The following GRM7 variants were observed in gnomAD, a reference collection of about 807,000 sequenced individuals.
GRM7 encodes metabotropic glutamate receptor 7.
A neutral mutation model predicts 84.5 loss-of-function variants in GRM7; 35 were observed. The observed-to-expected ratio is 0.41, with a 90% CI of 0.32 to 0.55. GRM7 has a LOEUF of 0.55. GRM7 is among the 20% of genes least tolerant of loss of function. GRM7 has a pLI of 0.19. For synonymous variants in GRM7, 487 were observed against 455.1 expected, an observed-to-expected ratio of 1.07 and a Z score of -0.89; for missense variants, 1,003 against 1,194.6, an observed-to-expected ratio of 0.84 and a Z score of 2.36.
At chr3:7,052,989 A>G (rs1179636518) in intron 1 of GRM7, among the ~76,000 whole-genome samples, 1 of 150,956 alleles carries the variant, frequency 6.6e-6, no homozygotes, top group Non-Finnish European at 1.5e-5. Context: ...CAAAGTGGCT[A>G]TATTATTTTA....
chr3:7,096,607 A>G (rs9311979), intron 1 of GRM7, among the ~76,000 whole-genome samples: 9,733 of 152,022 alleles, frequency 0.064, 746 homozygotes, highest in African/African-American at 0.15. Flanking sequence ...GGGTTTTAAT[A>G]CATAGGCACG....
intron 5 of GRM7, among the ~76,000 whole-genome samples, chr3:7,421,942 TAGCCAGAA>T (rs1696414753): frequency 1.1e-5 from 1 of 91,800 alleles, no homozygotes; most frequent in Non-Finnish European, 2.2e-5. Context: ...AAAAAAAAAA[TAGCCAGAA>T]GTGGTGACAC....
rs377633053 is a variant in GRM7, at chr3:7,578,770, C to A, written c.1864C>A (p.Arg622=). The A allele has an allele frequency of 6.2e-7, 1 of 1,613,692 alleles. No individual in the cohort carries two copies. The highest frequency in any genetic ancestry group is 8.5e-7 in the Non-Finnish European group (1 of 1,179,744). The part of the protein sequence containing the change: ...FIRYNDTPIV[R]ASGRELSYVL... ...CCGCTACAATGACACGCCCATTGTC[C>A]GGGCATCTGGGCGGGAACTCAGCTA... Residue 622 remains arginine (R), a synonymous_variant, in exon 8 of 10, where the codon CGG becomes AGG. Coordinates refer to ENST00000357716, the MANE Select transcript of GRM7 (RefSeq NM_000844.4).
chr3:7,574,196 G>A (rs1239421138), intron 7 of GRM7, among the ~76,000 whole-genome samples: 7 of 136,826 alleles, frequency 5.1e-5, no homozygotes, highest in African/African-American at 1.4e-4. Flanking sequence ...GTTTTGCTGT[G>A]TTGCCCAGGC....
chr3:7,482,450 T>C (rs1004903022), intron 7 of GRM7, among the ~76,000 whole-genome samples: 3 of 152,206 alleles, frequency 2.0e-5, no homozygotes, highest in Admixed American at 2.0e-4. Context: ...GTACCAGTAA[T>C]TTAACTCTGG....
intron 1 of GRM7, among the ~76,000 whole-genome samples, chr3:7,134,583 A>T (rs1311519350): frequency 6.6e-6 from 1 of 152,130 alleles, no homozygotes; most frequent in African/African-American, 2.4e-5. Flanking sequence ...GGATCAGGCC[A>T]TATTACTTCT....
chr3:7,635,343 A>G (rs988623775), intron 8 of GRM7, among the ~76,000 whole-genome samples: 20 of 152,214 alleles, frequency 1.3e-4, no homozygotes, highest in African/African-American at 4.8e-4. Flanking sequence ...ACTAAAGAAC[A>G]CTTAGGCTGA....
At chr3:7,212,564 C>T (rs1407454744) in intron 2 of GRM7, among the ~76,000 whole-genome samples, 1 of 152,072 alleles carries the variant, frequency 6.6e-6, no homozygotes, top group East Asian at 1.9e-4. Flanking sequence ...GAATTAATAA[C>T]TGGAAAACCT....
chr3:7,423,051 G>A (rs1453878139), intron 5 of GRM7, among the ~76,000 whole-genome samples: 1 of 152,108 alleles, frequency 6.6e-6, no homozygotes, highest in African/African-American at 2.4e-5. Context: ...GAGGTGTATA[G>A]ATGGACCCTG....
intron 2 of GRM7, among the ~76,000 whole-genome samples, chr3:7,267,178 T>C (rs1037849064): frequency 2.6e-5 from 4 of 152,230 alleles, no homozygotes; most frequent in Non-Finnish European, 5.9e-5. Context: ...AGTTCACTGA[T>C]TGATACTGAT....
At chr3:7,254,599 T>C (rs73809034) in intron 2 of GRM7, among the ~76,000 whole-genome samples, 236 of 152,302 alleles carry the variant, frequency 1.5e-3, no homozygotes, top group African/African-American at 5.3e-3. Context: ...GGAATGAGTG[T>C]CACTTTCTTC....
chr3:7,222,856 G>A (rs779093195), intron 2 of GRM7, among the ~76,000 whole-genome samples: 1 of 152,064 alleles, frequency 6.6e-6, no homozygotes, highest in Admixed American at 6.6e-5. Context: ...TTCTTTTTTA[G>A]TGCCAGTCTT....
At chr3:6,994,388 C>A (rs1694758884) in intron 1 of GRM7, among the ~76,000 whole-genome samples, 1 of 152,150 alleles carries the variant, frequency 6.6e-6, no homozygotes, top group Admixed American at 6.5e-5. Context: ...GGAAACAATT[C>A]TCTTACTGTC....
intron 7 of GRM7, 101 bp from the exon 8 acceptor site, chr3:7,578,321 C>A: frequency 1.4e-6 from 1 of 721,394 alleles, no homozygotes; most frequent in Non-Finnish European, 2.3e-6. Context: ...CAACCTCATG[C>A]CTCATATGTC....
chr3:7,034,585 C>A (rs1209612357), intron 1 of GRM7, among the ~76,000 whole-genome samples: 1 of 152,102 alleles, frequency 6.6e-6, no homozygotes, highest in Admixed American at 6.6e-5. Context: ...TACTTTTTTC[C>A]AGACTCTAGT....
At chr3:7,155,118 A>G (rs1381548823) in intron 2 of GRM7, among the ~76,000 whole-genome samples, 15 of 152,188 alleles carry the variant, frequency 9.9e-5, no homozygotes, top group Admixed American at 9.8e-4. Context: ...AGTCTGGCAT[A>G]TCCAATACGT....
intron 2 of GRM7, among the ~76,000 whole-genome samples, chr3:7,245,323 G>T (rs1244247446): frequency 6.6e-6 from 1 of 151,792 alleles, no homozygotes; most frequent in Admixed American, 6.6e-5. Context: ...CTCAGGCAGG[G>T]TAATAAAAAT....
At chr3:7,507,635 T>A (rs1412898674) in intron 7 of GRM7, among the ~76,000 whole-genome samples, 3 of 152,344 alleles carry the variant, frequency 2.0e-5, no homozygotes, top group Admixed American at 2.0e-4. Flanking sequence ...TAACTTTTGA[T>A]ATTCAAGACA....
At chr3:7,208,172 T>G (rs1189423457) in intron 2 of GRM7, among the ~76,000 whole-genome samples, 1 of 152,228 alleles carries the variant, frequency 6.6e-6, no homozygotes, top group Non-Finnish European at 1.5e-5. Context: ...TCCAAAAGTC[T>G]CATTCATTTG....
Sources: gnomAD v4.1 joint callset for allele counts (sites outside exome capture counted in the v4.1 genomes callset) on GRCh38, gnomAD v4.1.1 for gene constraint, MANE v1.5 for transcripts, NCBI Gene and HGNC (gene_info 2026-07-23, HGNC 2026-07-21) for gene names.